The following ARHGAP39 variants were observed in gnomAD, a reference collection of about 807,000 sequenced individuals.
The protein encoded by ARHGAP39 is rho GTPase-activating protein 39.
In ARHGAP39, 44 loss-of-function variants were observed where a neutral mutation model predicts 106.9. The observed-to-expected ratio is 0.41, with a 90% CI of 0.32 to 0.53. The LOEUF is 0.53. Ranked by LOEUF, ARHGAP39 falls within the 20% of genes least tolerant of loss-of-function variation. The probability of loss-of-function intolerance (pLI) is 0.21; values close to 1 mark genes in which losing one functional copy is unlikely to be tolerated. For missense variants in ARHGAP39, 1,496 were observed against 1,577.3 expected (o/e 0.95, Z 0.87); for synonymous variants, 768 against 693.2 (o/e 1.11, Z -1.69).
intron 1 of ARHGAP39, among the ~76,000 whole-genome samples, chr8:144,672,496 A>G (rs566640258): frequency 6.6e-6 from 1 of 152,242 alleles, no homozygotes; most frequent in Admixed American, 6.5e-5. Context: ...AGGAAAATAG[A>G]CTCAAACACT....
chr8:144,619,584 CTGTG>C (rs142168270), intron 1 of ARHGAP39, among the ~76,000 whole-genome samples: 2 of 146,800 alleles, frequency 1.4e-5, no homozygotes, highest in Non-Finnish European at 3.0e-5. Flanking sequence ...GTGTGTGAGA[CTGTG>C]TGTCCCTGAG....
intron 3 of ARHGAP39, among the ~76,000 whole-genome samples, chr8:144,580,395 C>A (rs1168707348): frequency 6.6e-6 from 1 of 152,236 alleles, no homozygotes; most frequent in Non-Finnish European, 1.5e-5. Flanking sequence ...CACCACCTGC[C>A]AGGGGCTGGG....
At chr8:144,676,064 C>T (rs532987004) in intron 1 of ARHGAP39, among the ~76,000 whole-genome samples, 4 of 152,280 alleles carry the variant, frequency 2.6e-5, no homozygotes, top group Admixed American at 2.0e-4. Flanking sequence ...ATAAAGGCGG[C>T]GCGGACCCAA....
At chr8:144,688,428 CTT>C (rs1822677872), upstream of ARHGAP39, among the ~76,000 whole-genome samples, 1 of 152,114 alleles carries the variant, frequency 6.6e-6, no homozygotes. Flanking sequence ...TCTTTAAGGA[CTT>C]AAAAAGAAAA....
At chr8:144,551,105 C>A (rs535470396) in intron 4 of ARHGAP39, among the ~76,000 whole-genome samples, 7 of 152,172 alleles carry the variant, frequency 4.6e-5, no homozygotes, top group Non-Finnish European at 1.0e-4. Flanking sequence ...CTGCCTTAGG[C>A]CTGGGCCAGG....
chr8:144,629,633 A>T (rs757676815), intron 1 of ARHGAP39, among the ~76,000 whole-genome samples: 5 of 152,218 alleles, frequency 3.3e-5, no homozygotes, highest in Admixed American at 6.5e-5. Flanking sequence ...TTCTTGATCA[A>T]CAAAAGTAGC....
chr8:144,666,564 A>T (rs573823279), intron 1 of ARHGAP39, among the ~76,000 whole-genome samples: 1 of 152,262 alleles, frequency 6.6e-6, no homozygotes, highest in Admixed American at 6.5e-5. Context: ...GTGATAGTGA[A>T]TAAGTCTCAC....
At chr8:144,546,990 G>A (rs537530448) in intron 5 of ARHGAP39, 137 bp downstream of exon 5, 48 of 1,142,522 alleles carry the variant, frequency 4.2e-5, no homozygotes, top group South Asian at 1.6e-4. Context: ...CCAGGGCCCC[G>A]GAGACACGGG....
At position 144,647,027 on chromosome 8, in the gene ARHGAP39, G is replaced by A. The variant is rs1821460977; in HGVS notation, c.-82+38659C>T. Among the ~76,000 whole-genome samples the A allele has an allele frequency of 7.0e-6, 1 of 142,960 alleles. No individual in the cohort carries two copies. The highest frequency in any genetic ancestry group is 2.6e-5 in the African/African-American group (1 of 38,036). 93.8% of individuals were successfully genotyped at this position (142,960 alleles called of 152,430 possible). On this transcript the variant is annotated intron_variant, in intron 1 of 11. Coordinates refer to ENST00000377307, the MANE Select transcript of ARHGAP39 (RefSeq NM_025251.3). This position sits in a 1 kb window ranked among gnomAD's most constrained non-coding sequence, Gnocchi z 4.8. ...CTTTATAGCCAGGCTGGAGTACAAC[G>A]ACACCATCTCGGCTCACTGCAAGCT...
chr8:144,620,770 T>G (rs1820786187), intron 1 of ARHGAP39, among the ~76,000 whole-genome samples: 1 of 152,180 alleles, frequency 6.6e-6, no homozygotes, highest in Non-Finnish European at 1.5e-5. Context: ...TCCACCTGCG[T>G]CTCCAGGACA....
chr8:144,614,207 A>G (rs1314918290), intron 1 of ARHGAP39, among the ~76,000 whole-genome samples: 1 of 152,126 alleles, frequency 6.6e-6, no homozygotes, highest in Non-Finnish European at 1.5e-5. Flanking sequence ...GCTAACCCTA[A>G]CATCTATGTC....
At chr8:144,608,044 C>CG (rs1459083867) in intron 1 of ARHGAP39, among the ~76,000 whole-genome samples, 1 of 151,226 alleles carries the variant, frequency 6.6e-6, no homozygotes, top group Non-Finnish European at 1.5e-5. Context: ...GAAATCCCAG[C>CG]TACGCAGGAG....
At chr8:144,563,805 AAAAT>A (rs772431888) in intron 3 of ARHGAP39, among the ~76,000 whole-genome samples, 144 of 152,062 alleles carry the variant, frequency 9.5e-4, no homozygotes, top group Non-Finnish European at 3.7e-4. Context: ...AAATAATAAT[AAAAT>A]AAATAAATAA....
chr8:144,700,186 G>C, the ARHGAP39 span, among the ~76,000 whole-genome samples: 1 of 152,304 alleles, frequency 6.6e-6, no homozygotes, highest in South Asian at 2.1e-4. The surrounding 1 kb of genome is among the most constrained non-coding windows in gnomAD (Gnocchi z 5.6). Context: ...GAGATCCCAG[G>C]CTGTACTCTG....
intron 4 of ARHGAP39, among the ~76,000 whole-genome samples, chr8:144,549,638 A>G (rs1817621898): frequency 6.6e-6 from 1 of 152,066 alleles, no homozygotes. Flanking sequence ...GATTACAGGC[A>G]CACGCCACCA....
At chr8:144,551,297 C>A (rs541096284) in intron 4 of ARHGAP39, among the ~76,000 whole-genome samples, 1 of 152,154 alleles carries the variant, frequency 6.6e-6, no homozygotes, top group Non-Finnish European at 1.5e-5. Context: ...TCAGATGCCA[C>A]GCTCTATCTC....
chr8:144,627,901 C>T (rs944766012), intron 1 of ARHGAP39, among the ~76,000 whole-genome samples: 3 of 152,218 alleles, frequency 2.0e-5, no homozygotes, highest in Admixed American at 1.3e-4. Context: ...ACTGCTGGCT[C>T]TGGAGTCAGC....
rs780538417 is a variant in ARHGAP39, at chr8:144,547,570, T to C, written c.1516A>G (p.Ser506Gly). 6 of 1,471,918 alleles carry C rather than the reference T, an allele frequency of 4.1e-6. No homozygotes were observed. Among genetic ancestry groups the C allele is most frequent in the Admixed American group, 4.7e-5 (2 of 42,298 alleles). The allele number at this position is 1,471,918 out of a possible 1,614,324, so 91.2% of individuals were successfully genotyped here. A position where few individuals can be genotyped will look rare whatever the true frequency, so the allele number is the denominator to read the frequency against. Residue 506 changes from serine to glycine, a missense_variant, in exon 5 of 12, where the codon AGC becomes GGC. Around this residue, in one of 4 missense-constraint regions of ARHGAP39, gnomAD observed 905 missense variants for 816.4 expected, o/e 1.11. Transcript: ENST00000377307. This position sits in a 1 kb window ranked among gnomAD's most constrained non-coding sequence, Gnocchi z 5.2. ...SRKPSLCQAT[S>G]ATPTEGPGDL... ...CCGGGGCCCTCAGTGGGGGTGGCGC[T>C]GGTGGCTTGGCACAAAGAGGGCTTT... is the stretch of plus-strand genomic sequence containing the variant.
chr8:144,636,789 G>A (rs1821182513), intron 1 of ARHGAP39, among the ~76,000 whole-genome samples: 1 of 152,170 alleles, frequency 6.6e-6, no homozygotes, highest in Non-Finnish European at 1.5e-5. Context: ...GTTTTGGTAA[G>A]GAACATTTCA....
Sources: allele counts gnomAD v4.1 joint callset (sites outside exome capture counted in the v4.1 genomes callset), GRCh38; gene constraint gnomAD v4.1.1; regional missense constraint gnomAD v4.1.1; non-coding constraint Gnocchi (gnomAD v3.1); transcripts MANE v1.5; gene names NCBI Gene and HGNC (gene_info 2026-07-23, HGNC 2026-07-21).